The following SYNJ1 variants were observed in gnomAD, a reference collection of about 807,000 sequenced individuals.
SYNJ1 encodes synaptojanin 1.
A neutral mutation model predicts 168.2 loss-of-function variants in SYNJ1; 78 were observed. That is an observed-to-expected ratio of 0.46 (90% CI 0.39 to 0.56). The LOEUF (loss-of-function observed/expected upper bound fraction) is 0.56, where lower values mean the gene tolerates loss of function less well. Among genes scored for constraint, SYNJ1 ranks in the 20% least tolerant of loss-of-function variants. The pLI, the probability that SYNJ1 is intolerant of heterozygous loss-of-function variation, is 0.00. For synonymous variants in SYNJ1, 539 were observed against 548.6 expected, an observed-to-expected ratio of 0.98 and a Z score of 0.24; for missense variants, 1,303 against 1,597.6, an observed-to-expected ratio of 0.82 and a Z score of 3.14.
intron 13 of SYNJ1, among the ~76,000 whole-genome samples, chr21:32,675,980 C>T (rs2041391276): frequency 3.3e-5 from 5 of 152,118 alleles, no homozygotes; most frequent in Admixed American, 2.6e-4. Flanking sequence ...AAAGTAGTTA[C>T]ATCTGGATTT....
In SYNJ1 at chr21:32,631,121, C is replaced by T. The variant is rs1160546586; in HGVS notation, c.*684G>A. The T allele has an allele frequency of 6.2e-7, 1 of 1,614,178 alleles. No homozygotes were observed. The highest frequency in any genetic ancestry group is 8.5e-7 in the Non-Finnish European group (1 of 1,180,050). On this transcript the variant is annotated 3_prime_UTR_variant, in exon 33 of 33. Transcript: ENST00000674351. ...GTGGAGGAGGTCTTCTTGACGGCAA[C>T]ACACAGAAGGAGACATTTGTACCTT...
At chr21:32,699,421 T>C (rs182446995) in intron 4 of SYNJ1, among the ~76,000 whole-genome samples, 182 of 152,328 alleles carry the variant, frequency 1.2e-3, no homozygotes, top group Non-Finnish European at 2.0e-3. Flanking sequence ...CAGGAAGGTA[T>C]AGCCATCAAT....
chr21:32,691,279 T>C (rs1279108941), intron 6 of SYNJ1, among the ~76,000 whole-genome samples: 1 of 152,196 alleles, frequency 6.6e-6, no homozygotes, highest in African/African-American at 2.4e-5. Flanking sequence ...TAAAAGTGTG[T>C]AGCACCTCGC....
intron 2 of SYNJ1, among the ~76,000 whole-genome samples, chr21:32,717,013 G>A (rs2043047503): frequency 1.3e-5 from 2 of 151,482 alleles, no homozygotes; most frequent in South Asian, 4.2e-4. Context: ...AGACTGGAAT[G>A]CAATGGCATG....
chr21:32,699,984 T>G lies in SYNJ1; in HGVS notation c.333A>C (p.Ser111=). The change falls in exon 4 of 33, where the codon TCA becomes TCC. Residue 111 remains serine, a synonymous_variant. Transcript: ENST00000674351. Reference sequence around the variant, plus strand: ...GCACTTCTGAAATGCGATCCTCATCTGAAGAATCGATTCGCAGTGATATAA... The same window carrying G: ...GCACTTCTGAAATGCGATCCTCATCGGAAGAATCGATTCGCAGTGATATAA... The part of the protein sequence containing the change: ...TEFISLRIDS[S]DEDRISEVRK... 1.2e-6 allele frequency: 2 copies of G among 1,614,222 alleles called. No individual in the cohort carries two copies. The highest frequency in any genetic ancestry group is 8.5e-7 in the Non-Finnish European group (1 of 1,180,038).
intron 2 of SYNJ1, among the ~76,000 whole-genome samples, chr21:32,703,103 C>CTT (rs1364982076): frequency 6.6e-6 from 1 of 152,276 alleles, no homozygotes; most frequent in Non-Finnish European, 1.5e-5. Flanking sequence ...ACCACGTAGG[C>CTT]TTAAGCCTTC....
rs188515249 is a variant in SYNJ1 at position 32,696,835 on chromosome 21, C to T, written c.480-1553G>A. ...CCTCTTATCCATCCAGGAAATCACA[C>T]GGGAATATAAATGAGTGATGATATT... is the stretch of plus-strand genomic sequence containing the variant. On this transcript the variant is annotated intron_variant, in intron 4 of 32. Transcript: ENST00000674351. 4.9e-4 allele frequency among the ~76,000 whole-genome samples: 75 copies of T among 152,230 alleles called. 2 individuals are homozygous for T. The highest frequency in any genetic ancestry group is 1.9e-4 in the East Asian group (1 of 5,190).
chr21:32,687,512 C>T (rs985353799), intron 7 of SYNJ1, among the ~76,000 whole-genome samples: 2 of 152,230 alleles, frequency 1.3e-5, no homozygotes, highest in Admixed American at 1.3e-4. Flanking sequence ...CGAGTCTTTT[C>T]TCTTTCCAGC....
intron 10 of SYNJ1, among the ~76,000 whole-genome samples, chr21:32,681,873 C>A (rs1381052335): frequency 1.3e-5 from 2 of 152,038 alleles, no homozygotes; most frequent in Admixed American, 1.3e-4. Flanking sequence ...GGACTTCTTT[C>A]TGGTTAAATG....
At chr21:32,727,537 G>C (rs1194737327) in intron 1 of SYNJ1, among the ~76,000 whole-genome samples, 7 of 152,228 alleles carry the variant, frequency 4.6e-5, no homozygotes, top group Admixed American at 2.0e-4. Flanking sequence ...ATGGCCACCC[G>C]GGAAGAGTCA....
intron 18 of SYNJ1, among the ~76,000 whole-genome samples, chr21:32,663,003 T>C (rs1422083375): frequency 6.6e-6 from 1 of 152,184 alleles, no homozygotes; most frequent in Non-Finnish European, 1.5e-5. Flanking sequence ...TGCTTCAAAC[T>C]TTCTATGATG....
chr21:32,679,965 CTGAAAATATA>C (rs2041558041), intron 11 of SYNJ1, among the ~76,000 whole-genome samples: 1 of 151,946 alleles, frequency 6.6e-6, no homozygotes, highest in South Asian at 2.1e-4. Context: ...TAAAAGACCA[CTGAAAATATA>C]TGTAACCTCT....
intron 31 of SYNJ1, among the ~76,000 whole-genome samples, chr21:32,636,945 GC>G (rs1162610166): frequency 6.6e-6 from 1 of 151,992 alleles, no homozygotes; most frequent in Non-Finnish European, 1.5e-5. Context: ...ATCTAAGGGG[GC>G]ACACACAAAG....
chr21:32,719,646 G>A (rs866739697), intron 2 of SYNJ1, among the ~76,000 whole-genome samples: 1 of 151,552 alleles, frequency 6.6e-6, no homozygotes, highest in African/African-American at 2.4e-5. Context: ...CCCGTAGGCA[G>A]AGGTTGCAGT....
rs1486853521 is a variant in SYNJ1 at position 32,629,475 on chromosome 21, T to C, written c.*2330A>G. 3 of 152,648 alleles carry C rather than the reference T, an allele frequency of 2.0e-5. No individual in the cohort carries two copies. Among genetic ancestry groups the C allele is most frequent in the Non-Finnish European group, 4.4e-5 (3 of 68,040 alleles). The allele number at this position is 152,648 out of a possible 1,614,324, so 9.5% of individuals were successfully genotyped here. A position where few individuals can be genotyped will look rare whatever the true frequency, so the allele number is the denominator to read the frequency against. On this transcript the variant is annotated 3_prime_UTR_variant, in exon 33 of 33. Coordinates refer to ENST00000674351, the MANE Select transcript of SYNJ1 (RefSeq NM_203446.3). ...AACATTTGAGCATTTAGAAAAATGCTTTTTTTCTAATAGATTTGCTTTATA... is the reference window on the plus strand; with the variant it reads ...AACATTTGAGCATTTAGAAAAATGCCTTTTTTCTAATAGATTTGCTTTATA...
intron 2 of SYNJ1, among the ~76,000 whole-genome samples, chr21:32,717,012 T>A (rs2043047388): frequency 6.6e-6 from 1 of 152,100 alleles, no homozygotes; most frequent in Non-Finnish European, 1.5e-5. Context: ...CAGACTGGAA[T>A]GCAATGGCAT....
At chr21:32,634,754 G>A in intron 32 of SYNJ1, 107 bp downstream of exon 32, 1 of 1,153,712 alleles carries the variant, frequency 8.7e-7, no homozygotes, top group Non-Finnish European at 1.3e-6. Context: ...ATGGAGACAG[G>A]TGGTTTTAAA....
intron 31 of SYNJ1, 35 bp from the exon 32 acceptor site, chr21:32,634,919 T>G: frequency 1.9e-6 from 3 of 1,612,566 alleles, no homozygotes; most frequent in Non-Finnish European, 2.5e-6. Flanking sequence ...AAGGAAAGAG[T>G]TAGGAGGACA....
intron 9 of SYNJ1, among the ~76,000 whole-genome samples, chr21:32,685,113 C>T (rs756626127): frequency 1.4e-5 from 2 of 144,690 alleles, no homozygotes; most frequent in Non-Finnish European, 3.0e-5. Flanking sequence ...GCCCGGGAGG[C>T]GGAGCTTGCA....
Sources: gnomAD v4.1 joint callset for allele counts (sites outside exome capture counted in the v4.1 genomes callset) on GRCh38, gnomAD v4.1.1 for gene constraint, MANE v1.5 for transcripts, NCBI Gene and HGNC (gene_info 2026-07-23, HGNC 2026-07-21) for gene names.